PITPNM3: variants seen among roughly 807,000 people sequenced by gnomAD.
The protein encoded by PITPNM3 is membrane-associated phosphatidylinositol transfer protein 3.
PITPNM3 carries 26 observed loss-of-function variants against 102.0 expected under a neutral mutation model. The ratio of observed to expected loss-of-function variants is 0.25; its 90% CI spans 0.19 to 0.35. The LOEUF is 0.35. PITPNM3 is among the 10% of genes least tolerant of loss of function. The probability of loss-of-function intolerance (pLI) is 1.00; values close to 1 mark genes in which losing one functional copy is unlikely to be tolerated. For synonymous variants in PITPNM3, 578 were observed against 558.6 expected, an observed-to-expected ratio of 1.03 and a Z score of -0.49; for missense variants, 1,083 against 1,346.1, an observed-to-expected ratio of 0.80 and a Z score of 3.06.
chr17:6,496,459 C>A (rs1468586417), intron 4 of PITPNM3, among the ~76,000 whole-genome samples: 4 of 152,184 alleles, frequency 2.6e-5, no homozygotes, highest in African/African-American at 9.7e-5. Context: ...CTCTCCACTG[C>A]CCCGTGACCA....
intron 3 of PITPNM3, chr17:6,521,538 A>G (rs996390250): frequency 6.6e-6 from 1 of 152,022 alleles, no homozygotes; most frequent in African/African-American, 2.4e-5. Context: ...AAATAATAAT[A>G]TTTGAACAAT....
At chr17:6,539,168 T>G (rs1401616623) in intron 1 of PITPNM3, among the ~76,000 whole-genome samples, 1 of 152,104 alleles carries the variant, frequency 6.6e-6, no homozygotes, top group Non-Finnish European at 1.5e-5. Context: ...AACTCGGTAG[T>G]CACCTCTAGG....
intron 3 of PITPNM3, 115 bp from the exon 4 acceptor site, chr17:6,503,689 G>T: frequency 9.4e-7 from 1 of 1,067,410 alleles, no homozygotes; most frequent in African/African-American, 1.5e-5. Flanking sequence ...CTTGGGATGG[G>T]CAGAAGTATC....
intron 1 of PITPNM3, among the ~76,000 whole-genome samples, chr17:6,553,430 C>T (rs1373935356): frequency 6.6e-6 from 1 of 152,226 alleles, no homozygotes; most frequent in Non-Finnish European, 1.5e-5. Flanking sequence ...GTGTAAGAGT[C>T]CTTTCACTGC....
chr17:6,544,655 C>CACACACAT (rs1555562207), intron 1 of PITPNM3, among the ~76,000 whole-genome samples: 1 of 14,006 alleles, frequency 7.1e-5, no homozygotes, highest in Non-Finnish European at 1.1e-4. Context: ...CTCTCTCTCT[C>CACACACAT]ACACACACAC....
In PITPNM3 at chr17:6,453,342, G is replaced by A. The variant is rs1913949463; in HGVS notation, c.*1996C>T. The A allele has an allele frequency of 6.6e-6, 1 of 152,280 alleles. No homozygotes were observed. The highest frequency in any genetic ancestry group is 2.4e-5 in the African/African-American group (1 of 41,452). The allele number at this position is 152,280 out of a possible 1,614,324, so 9.4% of individuals were successfully genotyped here. On this transcript the variant is annotated 3_prime_UTR_variant, in exon 20 of 20. Coordinates refer to ENST00000262483, the MANE Select transcript of PITPNM3 (RefSeq NM_031220.4). ...CCCAAGTTTAAATCAGGATATTTGG[G>A]GGAAGGATTAGGGTTGGGGTGGCTA...
chr17:6,552,959 A>T (rs1235251060), intron 1 of PITPNM3, among the ~76,000 whole-genome samples: 3 of 151,306 alleles, frequency 2.0e-5, no homozygotes, highest in African/African-American at 7.3e-5. Flanking sequence ...TTTAGTAGAG[A>T]CGGGGTTTCA....
Position 6,478,850 on chromosome 17 carries a change from C to G in PITPNM3, c.588-114G>C. The G allele has an allele frequency of 9.1e-7, 1 of 1,102,030 alleles. No homozygotes were observed. The allele number at this position is 1,102,030 out of a possible 1,614,324, so 68.3% of individuals were successfully genotyped here. A position where few individuals can be genotyped will look rare whatever the true frequency, so the allele number is the denominator to read the frequency against. On this transcript the variant is annotated intron_variant, in intron 6 of 19. Transcript: ENST00000262483. The surrounding 1 kb of genome is among the most constrained non-coding windows in gnomAD (Gnocchi z 4.4). ...CTGGCCAGGAATTGGGCTCCAGGGA[C>G]CCTTCAGGAAGACCCAGGCAGGAGC...
chr17:6,453,844 G>C lies in PITPNM3; in HGVS notation c.*1494C>G, dbSNP rs1394149723. 6.6e-6 allele frequency: 1 copy of C among 152,644 alleles called. No homozygotes were observed. The highest frequency in any genetic ancestry group is 1.5e-5 in the Non-Finnish European group (1 of 68,376). The allele number at this position is 152,644 out of a possible 1,614,324, so 9.5% of individuals were successfully genotyped here. A position where few individuals can be genotyped will look rare whatever the true frequency, so the allele number is the denominator to read the frequency against. Reference sequence around the variant, plus strand: ...GAAATTGCTGGGACCGGCCTTGATGGCAGCCTATGGGGGCTCAGTGGCCAC... The same window carrying C: ...GAAATTGCTGGGACCGGCCTTGATGCCAGCCTATGGGGGCTCAGTGGCCAC... On this transcript the variant is annotated 3_prime_UTR_variant, in exon 20 of 20. Transcript: ENST00000262483.
At chr17:6,510,339 C>T (rs377089088) in intron 3 of PITPNM3, among the ~76,000 whole-genome samples, 1 of 152,220 alleles carries the variant, frequency 6.6e-6, no homozygotes, top group Non-Finnish European at 1.5e-5. Flanking sequence ...CTGCTTCCCA[C>T]ACCTCCCTCC....
intron 16 of PITPNM3, 111 bp downstream of exon 16, chr17:6,464,059 C>G: frequency 6.4e-7 from 1 of 1,571,914 alleles, no homozygotes; most frequent in East Asian, 2.2e-5. Context: ...TCCATGCAGA[C>G]AGAGATGGGG....
At chr17:6,522,999 A>G (rs977496282) in intron 3 of PITPNM3, among the ~76,000 whole-genome samples, 1 of 152,092 alleles carries the variant, frequency 6.6e-6, no homozygotes, top group Non-Finnish European at 1.5e-5. Context: ...ATGTTGTGGG[A>G]ATTCACATTA....
At chr17:6,509,917 A>T (rs952824985) in intron 3 of PITPNM3, among the ~76,000 whole-genome samples, 1 of 152,132 alleles carries the variant, frequency 6.6e-6, no homozygotes, top group Non-Finnish European at 1.5e-5. Context: ...CAAGGCCTTC[A>T]TCTCCAGCTT....
At chr17:6,511,917 C>T (rs746300280) in intron 3 of PITPNM3, among the ~76,000 whole-genome samples, 9 of 152,116 alleles carry the variant, frequency 5.9e-5, no homozygotes, top group Non-Finnish European at 8.8e-5. Flanking sequence ...TGCACTCCAG[C>T]CTGGGCGACA....
chr17:6,543,295 A>G (rs184657881), intron 1 of PITPNM3, among the ~76,000 whole-genome samples: 45 of 152,304 alleles, frequency 3.0e-4, no homozygotes, highest in African/African-American at 1.0e-3. Context: ...GACTCTGCTC[A>G]GATCGTCAGC....
chr17:6,456,462 T>C (rs1224936801), intron 19 of PITPNM3, among the ~76,000 whole-genome samples: 1 of 152,186 alleles, frequency 6.6e-6, no homozygotes, highest in Non-Finnish European at 1.5e-5. Flanking sequence ...CTTCTGGCTG[T>C]GTCCAGAGCC....
chr17:6,532,870 A>C (rs1909214819), intron 2 of PITPNM3, among the ~76,000 whole-genome samples: 1 of 152,098 alleles, frequency 6.6e-6, no homozygotes, highest in Non-Finnish European at 1.5e-5. Context: ...TTTGCTTCTT[A>C]AGCAGCTGCA....
At chr17:6,467,286 C>T (rs1904835012) in intron 14 of PITPNM3, among the ~76,000 whole-genome samples, 1 of 152,058 alleles carries the variant, frequency 6.6e-6, no homozygotes, top group African/African-American at 2.4e-5. Flanking sequence ...ATCATTTCAT[C>T]GAAATGAAAT....
At chr17:6,489,571 T>C (rs1352247370) in intron 4 of PITPNM3, among the ~76,000 whole-genome samples, 2 of 151,872 alleles carry the variant, frequency 1.3e-5, no homozygotes, top group African/African-American at 2.4e-5. Context: ...GTCTCTTTGT[T>C]CTTACTAATG....
Sources: allele counts gnomAD v4.1 joint callset (sites outside exome capture counted in the v4.1 genomes callset), GRCh38; gene constraint gnomAD v4.1.1; non-coding constraint Gnocchi (gnomAD v3.1); transcripts MANE v1.5; gene names NCBI Gene and HGNC (gene_info 2026-07-23, HGNC 2026-07-21).